Variants in SEC61A2 observed in about 807,000 individuals in gnomAD.
SEC61A2 encodes the protein protein transport protein Sec61 subunit alpha isoform 2.
Under a neutral mutation model 59.9 loss-of-function variants are expected in SEC61A2, and 28 were observed. The ratio of observed to expected loss-of-function variants is 0.47; its 90% CI spans 0.35 to 0.64. SEC61A2 has a LOEUF of 0.64. Ranked by LOEUF, SEC61A2 falls within the 30% of genes least tolerant of loss-of-function variation. The pLI is 0.01. For missense variants in SEC61A2, 340 were observed against 585.9 expected, an observed-to-expected ratio of 0.58 and a Z score of 4.33; for synonymous variants, 202 against 214.4, an observed-to-expected ratio of 0.94 and a Z score of 0.50.
At chr10:12,136,007 G>C in intron 2 of SEC61A2, 98 bp from the exon 3 acceptor site, 1 of 778,880 alleles carries the variant, frequency 1.3e-6, no homozygotes. Context: ...CAATTTCTGT[G>C]AATTAGGCCC....
In SEC61A2 at chr10:12,155,973, T is replaced by C; in HGVS notation, c.616+42T>C. The C allele has an allele frequency of 6.2e-7, 1 of 1,610,536 alleles. No individual in the cohort carries two copies. Among genetic ancestry groups the C allele is most frequent in the Non-Finnish European group, 8.5e-7 (1 of 1,176,862 alleles). ...CTGCAACTGCACGCGTTTTGCTGGA[T>C]GTGTGCTGGGAACAAACCCATCGTG... On this transcript the variant is annotated intron_variant, in intron 7 of 11. Coordinates refer to ENST00000298428, the MANE Select transcript of SEC61A2 (RefSeq NM_018144.4). This position sits in a 1 kb window ranked among gnomAD's most constrained non-coding sequence, Gnocchi z 4.3.
chr10:12,148,391 A>C (rs1834195599), intron 4 of SEC61A2, among the ~76,000 whole-genome samples: 1 of 150,832 alleles, frequency 6.6e-6, no homozygotes, highest in Non-Finnish European at 1.5e-5. Flanking sequence ...GATTACAGGC[A>C]TGCACCATCA....
chr10:12,157,850 C>A, intron 8 of SEC61A2, 58 bp from the exon 9 acceptor site: 1 of 1,502,458 alleles, frequency 6.7e-7, no homozygotes, highest in Non-Finnish European at 9.3e-7. Context: ...CCTCTCTGGT[C>A]TCTGTTCTTT....
intron 11 of SEC61A2, among the ~76,000 whole-genome samples, chr10:12,163,312 CTTTTTTT>C (rs3060465): frequency 2.9e-5 from 2 of 68,584 alleles, no homozygotes; most frequent in African/African-American, 6.3e-5. Flanking sequence ...GGCCAGCTAG[CTTTTTTT>C]TTTTTTTTTT....
At chr10:12,167,371 G>A, downstream of SEC61A2, 1 of 215,316 alleles carries the variant, frequency 4.6e-6, no homozygotes, top group Non-Finnish European at 9.4e-6. Flanking sequence ...TGAGAACTCA[G>A]GTCTATTTCT....
chr10:12,133,926 A>C (rs930513487), intron 2 of SEC61A2, among the ~76,000 whole-genome samples: 9 of 152,248 alleles, frequency 5.9e-5, no homozygotes, highest in Admixed American at 6.5e-5. Context: ...CAAACTACAA[A>C]TTTCTCATCA....
rs1276844334 is a variant in SEC61A2 at position 12,153,273 on chromosome 10, G to A, written c.463-2505G>A. ...TGAGGTTATGGACAGGCCAATTGTT[G>A]CCTTCAGTTTTGTTTCTTTACAGCA... On this transcript the variant is annotated intron_variant, in intron 6 of 11. Coordinates refer to ENST00000298428, the MANE Select transcript of SEC61A2 (RefSeq NM_018144.4). The surrounding 1 kb of genome is among the most constrained non-coding windows in gnomAD (Gnocchi z 5.2). Among the ~76,000 whole-genome samples, 3 of 152,082 alleles carry A rather than the reference G, an allele frequency of 2.0e-5. No homozygotes were observed. The highest frequency in any genetic ancestry group is 2.9e-5 in the Non-Finnish European group (2 of 68,012).
rs1834331404 is a variant in SEC61A2, at chr10:12,153,644, T to G, written c.463-2134T>G. 7 of 1,346,582 alleles carry G rather than the reference T, an allele frequency of 5.2e-6. No individual in the cohort carries two copies. The highest frequency in any genetic ancestry group is 6.1e-6 in the Non-Finnish European group (6 of 981,664). 83.4% of individuals were successfully genotyped at this position (1,346,582 alleles called of 1,614,324 possible). A position where few individuals can be genotyped will look rare whatever the true frequency, so the allele number is the denominator to read the frequency against. The stretch of plus-strand genomic sequence containing the variant: ...TTACATGAATTCTGATACACAAATA[T>G]GCGTGTTATGGCTAATTCTTCTAAT... On this transcript the variant is annotated intron_variant, in intron 6 of 11. Transcript: ENST00000298428. The surrounding 1 kb of genome is among the most constrained non-coding windows in gnomAD (Gnocchi z 5.2).
Position 12,164,035 on chromosome 10 carries a change from T to C in SEC61A2, c.1245-233T>C, listed in dbSNP as rs1399493830. On this transcript the variant is annotated intron_variant, in intron 11 of 11. Transcript: ENST00000298428. The surrounding 1 kb of genome is among the most constrained non-coding windows in gnomAD (Gnocchi z 7.3). ...ATGTCCTGTAAGATTACATATTGTC[T>C]TTCTTGGCTGTTGACTGGTTCCTGG... Among the ~76,000 whole-genome samples, 4 of 152,246 alleles carry C rather than the reference T, an allele frequency of 2.6e-5. No individual in the cohort carries two copies. The highest frequency in any genetic ancestry group is 6.5e-5 in the Admixed American group (1 of 15,290).
Position 12,156,018 on chromosome 10 carries a change from C to A in SEC61A2, c.616+87C>A. Reference sequence around the variant, plus strand: ...ATCGTGTCGCAGTACATGCCTAGAGCCGTTCTGGTTTGCTCTCCTAGGGGA... The same window carrying A: ...ATCGTGTCGCAGTACATGCCTAGAGACGTTCTGGTTTGCTCTCCTAGGGGA... On this transcript the variant is annotated intron_variant, in intron 7 of 11. Transcript: ENST00000298428. The surrounding 1 kb of genome is among the most constrained non-coding windows in gnomAD (Gnocchi z 5.2). 1 of 1,454,052 alleles carries A rather than the reference C, an allele frequency of 6.9e-7. No individual in the cohort carries two copies. Among genetic ancestry groups the A allele is most frequent in the Non-Finnish European group, 9.6e-7 (1 of 1,043,600 alleles). The allele number at this position is 1,454,052 out of a possible 1,614,324, so 90.1% of individuals were successfully genotyped here.
chr10:12,137,330 T>A (rs200466659), intron 3 of SEC61A2, among the ~76,000 whole-genome samples: 1 of 151,380 alleles, frequency 6.6e-6, no homozygotes, highest in Non-Finnish European at 1.5e-5. Context: ...TGTTTTTTGG[T>A]TTTTTTTTGA....
At position 12,155,836 on chromosome 10, in the gene SEC61A2, G is replaced by A. The variant is rs1337899176; in HGVS notation, c.521G>A (p.Gly174Asp). ...GATGAGCTGCTACAGAAGGGTTACG[G>A]CTTGGGGTCTGGGATTTCCCTCTTT... ...LLDELLQKGY[G>D]LGSGISLFIA... Residue 174 changes from glycine (G) to aspartate (D), a missense_variant, in exon 7 of 12, where the codon GGC becomes GAC. This residue lies in a region of SEC61A2 where 283 missense variants were observed against 483.2 expected (regional missense o/e 0.59). Transcript: ENST00000298428. The surrounding 1 kb of genome is among the most constrained non-coding windows in gnomAD (Gnocchi z 4.3). 6.2e-7 allele frequency: 1 copy of A among 1,614,070 alleles called. No homozygotes were observed. Among genetic ancestry groups the A allele is most frequent in the Non-Finnish European group, 8.5e-7 (1 of 1,180,036 alleles).
Position 12,156,054 on chromosome 10 carries a change from G to A in SEC61A2, c.616+123G>A, listed in dbSNP as rs901654478. On this transcript the variant is annotated intron_variant, in intron 7 of 11. Transcript: ENST00000298428. The surrounding 1 kb of genome is among the most constrained non-coding windows in gnomAD (Gnocchi z 5.2). ...TGCTCTCCTAGGGGATAAGGAATGC[G>A]AATTCTTCAAAACTTAATGAGCAGA... is the stretch of plus-strand genomic sequence containing the variant. The A allele has an allele frequency of 9.6e-6, 9 of 934,366 alleles. No homozygotes were observed. Among genetic ancestry groups the A allele is most frequent in the East Asian group, 4.9e-5 (2 of 40,768 alleles). The allele number at this position is 934,366 out of a possible 1,614,324, so 57.9% of individuals were successfully genotyped here. A position where few individuals can be genotyped will look rare whatever the true frequency, so the allele number is the denominator to read the frequency against.
chr10:12,139,898 G>A (rs1833973596), intron 3 of SEC61A2, among the ~76,000 whole-genome samples: 1 of 151,058 alleles, frequency 6.6e-6, no homozygotes. Context: ...GAACCCGGGA[G>A]GCGGAGCTTG....
In SEC61A2 at chr10:12,158,213, G is replaced by C. The variant is rs1834451283; in HGVS notation, c.975+108G>C. 1 of 887,442 alleles carries C rather than the reference G, an allele frequency of 1.1e-6. No homozygotes were observed. The highest frequency in any genetic ancestry group is 2.4e-5 in the Admixed American group (1 of 41,516). 55.0% of individuals were successfully genotyped at this position (887,442 alleles called of 1,614,324 possible). On this transcript the variant is annotated intron_variant, in intron 9 of 11. Transcript: ENST00000298428. The surrounding 1 kb of genome is among the most constrained non-coding windows in gnomAD (Gnocchi z 5.7). ...CATTGGAGCATTTGCTGTATTTTCAGATTCACTTACCTATATAGCAGAGTT... is the reference window on the plus strand; with the variant it reads ...CATTGGAGCATTTGCTGTATTTTCACATTCACTTACCTATATAGCAGAGTT...
rs200535506 is a variant in SEC61A2, at chr10:12,161,022, G to A, written c.1068G>A (p.Glu356=). 2 of 1,614,118 alleles carry A rather than the reference G, an allele frequency of 1.2e-6. No homozygotes were observed. Among genetic ancestry groups the A allele is most frequent in the Non-Finnish European group, 1.7e-6 (2 of 1,179,968 alleles). The part of the protein sequence containing the change: ...SPPESMGAIF[E]DPVHVVVYII... ...CTGAGTCCATGGGCGCCATCTTTGAGGATCCTGTCCATGTCGTTGTTTATA... is the reference window on the plus strand; with the variant it reads ...CTGAGTCCATGGGCGCCATCTTTGAAGATCCTGTCCATGTCGTTGTTTATA... The change falls in exon 10 of 12, where the codon GAG becomes GAA. Residue 356 remains glutamate (E), a synonymous_variant. Transcript: ENST00000298428. This position sits in a 1 kb window ranked among gnomAD's most constrained non-coding sequence, Gnocchi z 5.4.
intron 11 of SEC61A2, among the ~76,000 whole-genome samples, chr10:12,163,198 G>A (rs923030043): frequency 1.3e-5 from 2 of 151,946 alleles, no homozygotes; most frequent in African/African-American, 4.8e-5. Flanking sequence ...CCTGATGGAT[G>A]CGAAGTGGGG....
In SEC61A2 at chr10:12,162,117, C is replaced by T. The variant is rs974936875; in HGVS notation, c.1168-96C>T. On this transcript the variant is annotated intron_variant, in intron 10 of 11. Transcript: ENST00000298428. This position sits in a 1 kb window ranked among gnomAD's most constrained non-coding sequence, Gnocchi z 6.1. ...GCAACTTTCAGGTTATTGTATGTTA[C>T]GTGTTAGTGTGTGGCGAGCACTTCG... 21 of 890,892 alleles carry T rather than the reference C, an allele frequency of 2.4e-5. No homozygotes were observed. The highest frequency in any genetic ancestry group is 2.0e-4 in the African/African-American group (12 of 60,282). The allele number at this position is 890,892 out of a possible 1,614,324, so 55.2% of individuals were successfully genotyped here.
intron 8 of SEC61A2, 78 bp from the exon 9 acceptor site, chr10:12,157,830 C>T: frequency 7.2e-7 from 1 of 1,386,130 alleles, no homozygotes; most frequent in Non-Finnish European, 1.0e-6. Flanking sequence ...CCGCACTGTT[C>T]TTTGTTTTCC....
Sources: allele counts gnomAD v4.1 joint callset (sites outside exome capture counted in the v4.1 genomes callset), GRCh38; gene constraint gnomAD v4.1.1; regional missense constraint gnomAD v4.1.1; non-coding constraint Gnocchi (gnomAD v3.1); transcripts MANE v1.5; gene names NCBI Gene and HGNC (gene_info 2026-07-23, HGNC 2026-07-21).